Variants in SLFN12L observed in about 807,000 individuals in gnomAD.
SLFN12L encodes schlafen family member 12-like.
A neutral mutation model predicts 34.8 loss-of-function variants in SLFN12L; 34 were observed. That is an observed-to-expected ratio of 0.98 (90% CI 0.74 to 1.30). The LOEUF is 1.30. Ranked by LOEUF, SLFN12L falls within the 50% of genes most tolerant of loss-of-function variation. The probability of loss-of-function intolerance (pLI) is 0.00; values close to 1 mark genes in which losing one functional copy is unlikely to be tolerated. For synonymous variants in SLFN12L, 259 were observed against 247.5 expected (o/e 1.05, Z -0.44); for missense variants, 703 against 696.2 (o/e 1.01, Z -0.11).
intron 2 of SLFN12L, among the ~76,000 whole-genome samples, chr17:35,487,288 T>C (rs1022594611): frequency 2.0e-5 from 3 of 152,194 alleles, no homozygotes; most frequent in African/African-American, 7.2e-5. Flanking sequence ...CGGGCGGAAG[T>C]TTTGTCATCT....
chr17:35,506,713 T>C (rs1915474667), intron 2 of SLFN12L, among the ~76,000 whole-genome samples: 1 of 152,196 alleles, frequency 6.6e-6, no homozygotes, highest in Non-Finnish European at 1.5e-5. Flanking sequence ...TGTCACTTCA[T>C]GTTATGTATG....
intron 1 of SLFN12L, among the ~76,000 whole-genome samples, chr17:35,536,823 A>G (rs2072466153): frequency 6.6e-6 from 1 of 151,498 alleles, no homozygotes; most frequent in Non-Finnish European, 1.5e-5. Context: ...AAAAAAAAAT[A>G]AGAAAAATAA....
chr17:35,489,552 C>T (rs1470591115), intron 2 of SLFN12L, among the ~76,000 whole-genome samples: 1 of 151,498 alleles, frequency 6.6e-6, no homozygotes, highest in African/African-American at 2.4e-5. Context: ...AAACCCTGTC[C>T]GTATATATAT....
rs189847270 is a variant in SLFN12L at position 35,501,747 on chromosome 17, G to A, written c.86+20532C>T. On this transcript the variant is annotated intron_variant, in intron 2 of 4. Transcript: ENST00000628453. ...TTAAAACTTTGTGTAAGGTAGACTG[G>A]CCAGCATTAGAGGTGGCCATCAGAA... Among the ~76,000 whole-genome samples the A allele has an allele frequency of 2.7e-3, 404 of 152,280 alleles. 2 individuals are homozygous for A. Among genetic ancestry groups the A allele is most frequent in the Non-Finnish European group, 3.4e-3 (234 of 68,020 alleles).
At chr17:35,488,081 C>T (rs534089843) in intron 2 of SLFN12L, among the ~76,000 whole-genome samples, 1 of 152,276 alleles carries the variant, frequency 6.6e-6, no homozygotes, top group Admixed American at 6.5e-5. Context: ...TGGTAGCGGG[C>T]GCCTGTAGTC....
intron 2 of SLFN12L, among the ~76,000 whole-genome samples, chr17:35,518,304 C>A (rs1221150995): frequency 6.6e-6 from 1 of 152,220 alleles, no homozygotes; most frequent in African/African-American, 2.4e-5. Flanking sequence ...GTAATCCCAG[C>A]ATTTTGGGAT....
chr17:35,490,561 G>T, intron 2 of SLFN12L: 1 of 830,384 alleles, frequency 1.2e-6, no homozygotes. Context: ...CAGTCTGTCT[G>T]CGGATGGGGG....
chr17:35,535,177 C>T (rs957869110), intron 1 of SLFN12L, among the ~76,000 whole-genome samples: 7 of 149,934 alleles, frequency 4.7e-5, no homozygotes, highest in Admixed American at 4.0e-4. Flanking sequence ...AAAACCTAGA[C>T]TCTCTCTTTC....
intron 2 of SLFN12L, chr17:35,490,193 C>T: frequency 1.2e-6 from 2 of 1,601,144 alleles, no homozygotes; most frequent in Non-Finnish European, 8.5e-7. Flanking sequence ...AGCGCTGGGA[C>T]GAGGCGGCAG....
At chr17:35,510,467 G>A (rs1296455753) in intron 2 of SLFN12L, among the ~76,000 whole-genome samples, 2 of 152,226 alleles carry the variant, frequency 1.3e-5, no homozygotes, top group Non-Finnish European at 2.9e-5. Flanking sequence ...GGATGAACTT[G>A]AAAACTTTAT....
At chr17:35,515,615 C>T (rs959579373) in intron 2 of SLFN12L, among the ~76,000 whole-genome samples, 2 of 147,738 alleles carry the variant, frequency 1.4e-5, no homozygotes, top group African/African-American at 2.5e-5. Flanking sequence ...ATTGCAGGAG[C>T]GGCCACCACG....
At chr17:35,529,552 G>A in intron 1 of SLFN12L, among the ~76,000 whole-genome samples, 1 of 152,174 alleles carries the variant, frequency 6.6e-6, no homozygotes, top group Non-Finnish European at 1.5e-5. Flanking sequence ...CAGGGACATG[G>A]ATGAAGCTGG....
At chr17:35,500,669 C>A (rs1353411079) in intron 2 of SLFN12L, among the ~76,000 whole-genome samples, 2 of 151,204 alleles carry the variant, frequency 1.3e-5, no homozygotes, top group African/African-American at 4.9e-5. Flanking sequence ...GCAGAGCTTG[C>A]AGTGAGCCAA....
rs1231800236 is a variant in SLFN12L, at chr17:35,467,150, G to A, written c.*7773C>T. 1.3e-5 allele frequency among the ~76,000 whole-genome samples: 2 copies of A among 152,158 alleles called. No homozygotes were observed. The highest frequency in any genetic ancestry group is 4.8e-5 in the African/African-American group (2 of 41,428). On this transcript the variant is annotated 3_prime_UTR_variant, in exon 5 of 5. Transcript: ENST00000628453. Reference sequence around the variant, plus strand: ...GGTCACCTCTCCTCCAGACCCCTTGGTTACCTGGAAAGCTCCTTTGGATTG... The same window carrying A: ...GGTCACCTCTCCTCCAGACCCCTTGATTACCTGGAAAGCTCCTTTGGATTG...
rs1428246854 is a variant in SLFN12L, at chr17:35,468,465, G to A, written c.*6458C>T. Reference sequence around the variant, plus strand: ...TACCGTCAGAGATGAATTTACCCCTGCACCAGACATGGCGTCACCCTAAAC... The same window carrying A: ...TACCGTCAGAGATGAATTTACCCCTACACCAGACATGGCGTCACCCTAAAC... On this transcript the variant is annotated 3_prime_UTR_variant, in exon 5 of 5. Coordinates refer to ENST00000628453, the MANE Select transcript of SLFN12L (RefSeq NM_001363830.2). Among the ~76,000 whole-genome samples the A allele has an allele frequency of 6.6e-6, 1 of 152,132 alleles. No homozygotes were observed. The highest frequency in any genetic ancestry group is 1.5e-5 in the Non-Finnish European group (1 of 68,014).
intron 2 of SLFN12L, among the ~76,000 whole-genome samples, chr17:35,500,880 C>T (rs1915271218): frequency 6.6e-6 from 1 of 152,206 alleles, no homozygotes; most frequent in African/African-American, 2.4e-5. Flanking sequence ...TACCCCACTG[C>T]TTGCTCAATC....
chr17:35,527,684 G>A (rs2072351676), intron 1 of SLFN12L, among the ~76,000 whole-genome samples: 1 of 152,020 alleles, frequency 6.6e-6, no homozygotes, highest in Admixed American at 6.6e-5. Context: ...AATAAACTAG[G>A]TATCGATGGA....
chr17:35,494,472 C>T (rs1914966070), intron 2 of SLFN12L, among the ~76,000 whole-genome samples: 2 of 152,154 alleles, frequency 1.3e-5, no homozygotes, highest in Non-Finnish European at 2.9e-5. Context: ...TAAAAACTGT[C>T]CCATGAGTTT....
Position 35,522,338 on chromosome 17 carries a change from G to C in SLFN12L, c.27C>G (p.His9Gln), listed in dbSNP as rs1916023119. 6.2e-7 allele frequency: 1 copy of C among 1,614,176 alleles called. No individual in the cohort carries two copies. The highest frequency in any genetic ancestry group is 8.5e-7 in the Non-Finnish European group (1 of 1,180,010). The change falls in exon 2 of 5, where the codon CAC becomes CAG. Residue 9 changes from histidine (H) to glutamine (Q), a missense_variant. His to Gln is a conservative substitution (Grantham distance 24, BLOSUM62 0). Transcript: ENST00000628453. ...TGTAGAGAATTCTGTGTGCCTCACA[G>C]TGAAACACATTCCTGATCTTCTCCA... Reference protein sequence around the residue: MEKIRNVFHCEAHRILYIC... With the variant: MEKIRNVFQCEAHRILYIC...
Sources: gnomAD v4.1 joint callset for allele counts (sites outside exome capture counted in the v4.1 genomes callset) on GRCh38, gnomAD v4.1.1 for gene constraint, MANE v1.5 for transcripts, NCBI Gene and HGNC (gene_info 2026-07-23, HGNC 2026-07-21) for gene names.